The following PPARGC1A variants were observed in gnomAD, a reference collection of about 807,000 sequenced individuals.
The protein encoded by PPARGC1A is peroxisome proliferator-activated receptor gamma coactivator 1-alpha.
In PPARGC1A, 25 loss-of-function variants were observed where a neutral mutation model predicts 88.7. The ratio of observed to expected loss-of-function variants is 0.28; its 90% CI spans 0.21 to 0.39. The LOEUF is 0.39. Among genes scored for constraint, PPARGC1A ranks in the 10% least tolerant of loss-of-function variants. The pLI is 1.00. For missense variants in PPARGC1A, 880 were observed against 968.7 expected, an observed-to-expected ratio of 0.91 and a Z score of 1.22; for synonymous variants, 363 against 355.6, an observed-to-expected ratio of 1.02 and a Z score of -0.24.
the PPARGC1A span, among the ~76,000 whole-genome samples, chr4:24,002,156 A>C: frequency 6.6e-6 from 1 of 151,086 alleles, no homozygotes; most frequent in East Asian, 2.0e-4. Flanking sequence ...TGGAAGTGGA[A>C]GTGCCTGGAA....
chr4:24,061,615 A>T, the PPARGC1A span, among the ~76,000 whole-genome samples: 1 of 152,220 alleles, frequency 6.6e-6, no homozygotes, highest in Non-Finnish European at 1.5e-5. Flanking sequence ...AACTATGGGG[A>T]AGTGTGCTTT....
At chr4:24,212,011 TC>T in the PPARGC1A span, among the ~76,000 whole-genome samples, 3 of 152,148 alleles carry the variant, frequency 2.0e-5, no homozygotes, top group Non-Finnish European at 2.9e-5. Flanking sequence ...AACACGTCTT[TC>T]TACGCCCTTT....
chr4:23,976,507 C>A, the PPARGC1A span, among the ~76,000 whole-genome samples: 1 of 152,286 alleles, frequency 6.6e-6, no homozygotes, highest in African/African-American at 2.4e-5. Flanking sequence ...ACAACCTTTC[C>A]AGCAGCTGTT....
the PPARGC1A span, among the ~76,000 whole-genome samples, chr4:24,134,778 G>C: frequency 8.3e-4 from 127 of 152,204 alleles, no homozygotes; most frequent in African/African-American, 2.7e-3. Flanking sequence ...TTTTCCAGTG[G>C]AACAGGAAAC....
chr4:24,212,646 T>C, the PPARGC1A span, among the ~76,000 whole-genome samples: 2 of 152,190 alleles, frequency 1.3e-5, no homozygotes, highest in African/African-American at 4.8e-5. Flanking sequence ...TTGGGCAACT[T>C]GTTGGGGATC....
chr4:24,366,926 G>A, the PPARGC1A span, among the ~76,000 whole-genome samples: 2 of 152,002 alleles, frequency 1.3e-5, no homozygotes, highest in Non-Finnish European at 1.5e-5. Flanking sequence ...TTCCTTCCAG[G>A]GACATTTATG....
At chr4:24,343,237 A>G in the PPARGC1A span, among the ~76,000 whole-genome samples, 3 of 152,216 alleles carry the variant, frequency 2.0e-5, no homozygotes, top group Non-Finnish European at 4.4e-5. Context: ...AAGTAATTTT[A>G]TGGTTGGAAT....
chr4:23,884,294 T>C (rs1716491459), intron 2 of PPARGC1A: 1 of 159,614 alleles, frequency 6.3e-6, no homozygotes, highest in South Asian at 2.0e-4. Context: ...TTAATAATAA[T>C]AATCAAAAGA....
chr4:24,094,015 ATG>A, the PPARGC1A span, among the ~76,000 whole-genome samples: 1 of 152,122 alleles, frequency 6.6e-6, no homozygotes. Context: ...GTCCAAGGAA[ATG>A]TAAGAGGGTG....
intron 11 of PPARGC1A, 63 bp from the exon 12 acceptor site, chr4:23,801,944 C>G: frequency 1.9e-6 from 3 of 1,580,658 alleles, no homozygotes; most frequent in Non-Finnish European, 2.6e-6. Context: ...GACTGTAACC[C>G]TTTCTACTTT....
At chr4:24,028,736 T>C in the PPARGC1A span, among the ~76,000 whole-genome samples, 1 of 152,304 alleles carries the variant, frequency 6.6e-6, no homozygotes, top group South Asian at 2.1e-4. Context: ...TGACTGCATG[T>C]AAGTTTCTTA....
the PPARGC1A span, among the ~76,000 whole-genome samples, chr4:24,094,084 G>A: frequency 3.3e-5 from 5 of 152,088 alleles, no homozygotes; most frequent in African/African-American, 1.2e-4. Flanking sequence ...TTCTCAGCCC[G>A]CTCTTTCTCT....
the PPARGC1A span, among the ~76,000 whole-genome samples, chr4:23,929,030 C>CT: frequency 9.9e-5 from 15 of 152,124 alleles, no homozygotes; most frequent in Admixed American, 2.6e-4. Flanking sequence ...GCATGCTGGG[C>CT]TTATTACCTA....
the PPARGC1A span, among the ~76,000 whole-genome samples, chr4:24,401,060 C>T: frequency 7.0e-5 from 10 of 142,522 alleles, no homozygotes; most frequent in Admixed American, 2.9e-4. Context: ...GCTCTGTCGC[C>T]CAGGTTGGAG....
At chr4:24,294,316 T>C in the PPARGC1A span, among the ~76,000 whole-genome samples, 1 of 152,196 alleles carries the variant, frequency 6.6e-6, no homozygotes, top group African/African-American at 2.4e-5. Flanking sequence ...TCGAATAATG[T>C]TTCGATGTCC....
At chr4:24,254,758 A>G in the PPARGC1A span, among the ~76,000 whole-genome samples, 1 of 152,210 alleles carries the variant, frequency 6.6e-6, no homozygotes, top group East Asian at 1.9e-4. Flanking sequence ...AAAGTTTCCA[A>G]TTATTGAAAT....
At chr4:24,014,367 G>T in the PPARGC1A span, among the ~76,000 whole-genome samples, 1 of 152,164 alleles carries the variant, frequency 6.6e-6, no homozygotes, top group Non-Finnish European at 1.5e-5. Context: ...CAGAACCACT[G>T]TCTGAACACA....
At chr4:24,125,756 T>A in the PPARGC1A span, among the ~76,000 whole-genome samples, 2 of 152,116 alleles carry the variant, frequency 1.3e-5, no homozygotes, top group East Asian at 1.9e-4. Flanking sequence ...ACCCCCAATA[T>A]ATTAAATTGA....
chr4:24,091,693 G>A, the PPARGC1A span: 41 of 962,050 alleles, frequency 4.3e-5, no homozygotes, highest in Middle Eastern at 2.1e-3. Flanking sequence ...AGAACCCACC[G>A]GGGAACAAAT....
Sources: gnomAD v4.1 joint callset for allele counts (sites outside exome capture counted in the v4.1 genomes callset) on GRCh38, gnomAD v4.1.1 for gene constraint, MANE v1.5 for transcripts, NCBI Gene and HGNC (gene_info 2026-07-23, HGNC 2026-07-21) for gene names.